The following AFF3 variants were observed in gnomAD, a reference collection of about 807,000 sequenced individuals.
AFF3 encodes the protein ALF transcription elongation factor 3.
Under a neutral mutation model 129.7 loss-of-function variants are expected in AFF3, and 32 were observed. The ratio of observed to expected loss-of-function variants is 0.25; its 90% CI spans 0.19 to 0.33. AFF3 has a LOEUF of 0.33. AFF3 is among the 10% of genes least tolerant of loss of function. The pLI is 1.00. For synonymous variants in AFF3, 644 were observed against 635.4 expected, an observed-to-expected ratio of 1.01 and a Z score of -0.20; for missense variants, 1,373 against 1,592.0, an observed-to-expected ratio of 0.86 and a Z score of 2.34.
Position 99,554,559 on chromosome 2 carries a change from CAG to C in AFF3, c.3336-27_3336-26del, listed in dbSNP as rs1674739094. On this transcript the variant is annotated intron_variant, in intron 23 of 24. Coordinates refer to ENST00000672756, the MANE Select transcript of AFF3 (RefSeq NM_001386135.1). ...CCTGGAAGGGGAGAGGTAGAAAAAC[CAG>C]AGTGGCGAGGTCGGGAGCAAGCGAG... The C allele has an allele frequency of 3.1e-6, 5 of 1,609,294 alleles. No homozygotes were observed. In the South Asian group the frequency reaches 4.4e-5, roughly 14 times the overall value.
chr2:99,905,132 A>G (rs551460107), intron 7 of AFF3, among the ~76,000 whole-genome samples: 55 of 152,256 alleles, frequency 3.6e-4, no homozygotes, highest in African/African-American at 1.3e-3. Flanking sequence ...CATGCTACCC[A>G]TGGCAGCATC....
At chr2:100,115,864 C>T (rs1691715204) in intron 2 of AFF3, among the ~76,000 whole-genome samples, 1 of 152,124 alleles carries the variant, frequency 6.6e-6, no homozygotes, top group African/African-American at 2.4e-5. Context: ...TTTAAAATGA[C>T]AGATAAACAG....
At chr2:99,862,079 T>TC (rs1691040618) in intron 7 of AFF3, among the ~76,000 whole-genome samples, 1 of 152,148 alleles carries the variant, frequency 6.6e-6, no homozygotes, top group Non-Finnish European at 1.5e-5. Context: ...TTTGAAGTCT[T>TC]CCCCCACACT....
At chr2:99,658,212 T>TA (rs1427227686) in intron 12 of AFF3, among the ~76,000 whole-genome samples, 3 of 152,156 alleles carry the variant, frequency 2.0e-5, no homozygotes, top group African/African-American at 7.2e-5. Context: ...GCATAGAAGA[T>TA]ACATGGCACC....
intron 4 of AFF3, among the ~76,000 whole-genome samples, chr2:100,092,498 G>T (rs1279038514): frequency 6.6e-6 from 1 of 152,098 alleles, no homozygotes; most frequent in Admixed American, 6.5e-5. Flanking sequence ...TTGCTCCCCT[G>T]CTTAAAGCCC....
chr2:99,744,134 G>C lies in AFF3; in HGVS notation c.1009C>G (p.Gln337Glu). The change falls in exon 10 of 25, where the codon CAG becomes GAG. Residue 337 changes from glutamine to glutamate, a missense_variant. Physicochemically the swap from Gln to Glu is conservative, Grantham distance 29. This residue lies in a region of AFF3 where 413 missense variants were observed against 424.4 expected (regional missense o/e 0.97). Coordinates refer to ENST00000672756, the MANE Select transcript of AFF3 (RefSeq NM_001386135.1). ...TTATTGTGTCCAGAGGATACAAGCT[G>C]AGAGTCCTGAAAGAACAAGAAATAT... is the stretch of plus-strand genomic sequence containing the variant. ...TKFPFPNKDSQLVSSGHNNPK... is the reference protein window; with the variant it reads ...TKFPFPNKDSELVSSGHNNPK... 1 of 1,604,968 alleles carries C rather than the reference G, an allele frequency of 6.2e-7. No homozygotes were observed. Among genetic ancestry groups the C allele is most frequent in the East Asian group, 2.3e-5 (1 of 44,340 alleles).
chr2:99,783,834 A>G (rs1403775086), intron 8 of AFF3, among the ~76,000 whole-genome samples: 1 of 152,216 alleles, frequency 6.6e-6, no homozygotes, highest in Non-Finnish European at 1.5e-5. Context: ...CCCCCCTGGA[A>G]AGGGAAAGTG....
chr2:99,808,574 T>C (rs1298622758), intron 8 of AFF3, among the ~76,000 whole-genome samples: 2 of 152,088 alleles, frequency 1.3e-5, no homozygotes, highest in Non-Finnish European at 2.9e-5. Context: ...TCTGAGCTAA[T>C]GGATGAACCT....
At chr2:99,944,166 G>T (rs1402115971) in intron 7 of AFF3, among the ~76,000 whole-genome samples, 1 of 152,162 alleles carries the variant, frequency 6.6e-6, no homozygotes, top group Non-Finnish European at 1.5e-5. Flanking sequence ...TTCCCAAAGT[G>T]CTGGGATTAC....
chr2:100,073,197 T>C (rs570274941), intron 4 of AFF3, among the ~76,000 whole-genome samples: 1 of 152,322 alleles, frequency 6.6e-6, no homozygotes, highest in East Asian at 1.9e-4. Flanking sequence ...AAAATGAGGT[T>C]GTTGCAGACC....
chr2:99,780,039 G>T (rs1199895416), intron 8 of AFF3, among the ~76,000 whole-genome samples: 1 of 152,246 alleles, frequency 6.6e-6, no homozygotes, highest in African/African-American at 2.4e-5. Flanking sequence ...CTACTGAAGT[G>T]TCTAATGAGC....
chr2:99,913,111 G>A (rs769904971), intron 7 of AFF3, among the ~76,000 whole-genome samples: 5 of 152,190 alleles, frequency 3.3e-5, no homozygotes, highest in African/African-American at 4.8e-5. Flanking sequence ...AAAGAAAGAA[G>A]AGAAGGAAGT....
chr2:100,078,944 C>CT (rs35031023), intron 4 of AFF3, among the ~76,000 whole-genome samples: 35,780 of 131,096 alleles, frequency 0.27, 5,300 homozygotes, highest in Non-Finnish European at 0.32. Context: ...TGAATATTTT[C>CT]TTTTTTTTTT....
At chr2:99,804,829 G>A (rs1686217590) in intron 8 of AFF3, among the ~76,000 whole-genome samples, 1 of 152,162 alleles carries the variant, frequency 6.6e-6, no homozygotes, top group Non-Finnish European at 1.5e-5. Context: ...AGTGGCTCAG[G>A]AATGGAAAAC....
chr2:100,012,332 G>T (rs1393332108), intron 4 of AFF3, among the ~76,000 whole-genome samples: 1 of 152,140 alleles, frequency 6.6e-6, no homozygotes, highest in Non-Finnish European at 1.5e-5. Context: ...AGCCTCCACT[G>T]AGCTGCTTCT....
At chr2:99,606,688 C>A (rs751902669) in intron 13 of AFF3, among the ~76,000 whole-genome samples, 6 of 151,690 alleles carry the variant, frequency 4.0e-5, no homozygotes, top group Non-Finnish European at 8.8e-5. Flanking sequence ...GAAGCCGAGG[C>A]GGGAGGATCA....
At chr2:99,648,917 A>ACACACACTCT in intron 13 of AFF3, among the ~76,000 whole-genome samples, 16 of 46,934 alleles carry the variant, frequency 3.4e-4, no homozygotes, top group African/African-American at 3.9e-4. Flanking sequence ...ACACACACAC[A>ACACACACTCT]CTCTCTCTCT....
chr2:99,946,500 A>T (rs1469879240), intron 7 of AFF3, among the ~76,000 whole-genome samples: 1 of 137,194 alleles, frequency 7.3e-6, no homozygotes, highest in African/African-American at 2.6e-5. Context: ...AAAAAAAAAA[A>T]AAAAAAAGAT....
chr2:99,894,736 A>G (rs1410998923), intron 7 of AFF3, among the ~76,000 whole-genome samples: 1 of 152,040 alleles, frequency 6.6e-6, no homozygotes, highest in Non-Finnish European at 1.5e-5. Flanking sequence ...CGGCCTCCCA[A>G]AGTGTTGGGA....
Sources: allele counts gnomAD v4.1 joint callset (sites outside exome capture counted in the v4.1 genomes callset), GRCh38; gene constraint gnomAD v4.1.1; regional missense constraint gnomAD v4.1.1; transcripts MANE v1.5; gene names NCBI Gene and HGNC (gene_info 2026-07-23, HGNC 2026-07-21).